CDH18: variants seen among roughly 807,000 people sequenced by gnomAD.
CDH18 encodes cadherin 18, also known as cadherin-18.
Under a neutral mutation model 67.9 loss-of-function variants are expected in CDH18, and 31 were observed. The observed-to-expected ratio is 0.46, with a 90% CI of 0.34 to 0.62. The LOEUF (loss-of-function observed/expected upper bound fraction) is 0.62. Ranked by LOEUF, CDH18 falls within the 20% of genes least tolerant of loss-of-function variation. The probability of loss-of-function intolerance (pLI) is 0.01; values close to 1 mark genes in which losing one functional copy is unlikely to be tolerated. For synonymous variants in CDH18, 362 were observed against 347.2 expected (o/e 1.04, Z -0.48); for missense variants, 890 against 975.5 (o/e 0.91, Z 1.17).
chr5:20,099,932 C>T (rs1746312486), intron 2 of CDH18, among the ~76,000 whole-genome samples: 1 of 152,042 alleles, frequency 6.6e-6, no homozygotes, highest in Admixed American at 6.6e-5. Context: ...TATAGCCGCA[C>T]ACCACCACGC....
intron 11 of CDH18, among the ~76,000 whole-genome samples, chr5:19,496,589 G>T (rs1275832286): frequency 6.6e-6 from 1 of 152,032 alleles, no homozygotes; most frequent in Non-Finnish European, 1.5e-5. Context: ...AAGGCGGGTG[G>T]ATCACTTGAG....
intron 1 of CDH18, among the ~76,000 whole-genome samples, chr5:20,366,651 A>C (rs1742545277): frequency 6.6e-6 from 1 of 152,210 alleles, no homozygotes; most frequent in Non-Finnish European, 1.5e-5. Flanking sequence ...TAACAGTGGA[A>C]GTAATAATAA....
chr5:19,826,607 C>G (rs769678877), intron 3 of CDH18, among the ~76,000 whole-genome samples: 1 of 152,076 alleles, frequency 6.6e-6, no homozygotes. Context: ...GAAGTTACAA[C>G]CAAGAATTTC....
intron 1 of CDH18, among the ~76,000 whole-genome samples, chr5:20,373,501 G>A (rs556862307): frequency 9.2e-5 from 14 of 152,098 alleles, no homozygotes; most frequent in African/African-American, 3.4e-4. Context: ...TATTTAACAA[G>A]CATTCTCTGT....
intron 1 of CDH18, among the ~76,000 whole-genome samples, chr5:20,295,538 C>A (rs1037759790): frequency 6.6e-6 from 1 of 151,976 alleles, no homozygotes; most frequent in Admixed American, 6.5e-5. Context: ...ACCGTCCTGG[C>A]CAATATGGTG....
chr5:19,985,340 T>C (rs922540615), intron 1 of CDH18, among the ~76,000 whole-genome samples: 4 of 152,104 alleles, frequency 2.6e-5, no homozygotes, highest in African/African-American at 9.7e-5. Context: ...TTTTTCTATA[T>C]ACATCCTTTG....
intron 2 of CDH18, among the ~76,000 whole-genome samples, chr5:19,889,886 G>A (rs932296350): frequency 3.6e-4 from 54 of 152,064 alleles, no homozygotes; most frequent in African/African-American, 1.2e-3. Flanking sequence ...AATTACATGC[G>A]ATATCATATA....
At chr5:20,324,487 G>C (rs1000852398) in intron 1 of CDH18, among the ~76,000 whole-genome samples, 1 of 152,114 alleles carries the variant, frequency 6.6e-6, no homozygotes, top group Non-Finnish European at 1.5e-5. Flanking sequence ...CTTGCAGTGA[G>C]CTGAGATCAG....
intron 5 of CDH18, among the ~76,000 whole-genome samples, chr5:19,709,347 C>A (rs1291773163): frequency 6.6e-6 from 1 of 152,108 alleles, no homozygotes; most frequent in East Asian, 1.9e-4. Context: ...GTGTGTGGAT[C>A]ACCTGAGGTC....
intron 1 of CDH18, among the ~76,000 whole-genome samples, chr5:20,375,999 G>C (rs1222883960): frequency 6.6e-6 from 1 of 151,406 alleles, no homozygotes; most frequent in Non-Finnish European, 1.5e-5. Flanking sequence ...TGGGCAACGT[G>C]GTATGTTGTA....
chr5:19,895,938 C>T (rs796503406), intron 2 of CDH18, among the ~76,000 whole-genome samples: 50 of 152,052 alleles, frequency 3.3e-4, no homozygotes, highest in African/African-American at 1.1e-3. Context: ...CTACACAAAT[C>T]TAAACGTGGA....
intron 2 of CDH18, among the ~76,000 whole-genome samples, chr5:19,941,943 T>G (rs1794867620): frequency 6.6e-6 from 1 of 152,154 alleles, no homozygotes; most frequent in South Asian, 2.1e-4. Flanking sequence ...TTCTCAATCA[T>G]GTTCATTTCA....
intron 5 of CDH18, among the ~76,000 whole-genome samples, chr5:19,698,379 A>C (rs2150460718): frequency 6.6e-6 from 1 of 152,234 alleles, no homozygotes; most frequent in Non-Finnish European, 1.5e-5. Context: ...TAGAATTATA[A>C]AATCTATAAA....
chr5:20,339,172 A>C (rs958188516), intron 1 of CDH18, among the ~76,000 whole-genome samples: 1 of 150,608 alleles, frequency 6.6e-6, no homozygotes, highest in African/African-American at 2.4e-5. Context: ...TTCAGCCTCC[A>C]CTCCCCTCAA....
At chr5:19,865,056 C>T (rs1353444496) in intron 2 of CDH18, among the ~76,000 whole-genome samples, 1 of 152,106 alleles carries the variant, frequency 6.6e-6, no homozygotes, top group African/African-American at 2.4e-5. Context: ...GCACAGACAC[C>T]TTTTTACTTG....
chr5:20,301,847 T>C (rs1735967611), intron 1 of CDH18, among the ~76,000 whole-genome samples: 1 of 144,466 alleles, frequency 6.9e-6, no homozygotes, highest in Admixed American at 7.6e-5. Flanking sequence ...GAATTGAAAT[T>C]GTAAAATAGA....
At chr5:19,752,583 T>C (rs1190566996) in intron 3 of CDH18, among the ~76,000 whole-genome samples, 1 of 152,088 alleles carries the variant, frequency 6.6e-6, no homozygotes, top group East Asian at 1.9e-4. Context: ...CCAATGGTAC[T>C]TCCCTACCCA....
chr5:19,746,818 T>A, intron 4 of CDH18, 124 bp downstream of exon 4: 1 of 768,728 alleles, frequency 1.3e-6, no homozygotes, highest in South Asian at 1.9e-5. Context: ...ACTAAAATAT[T>A]TTGAAACTTC....
At chr5:20,133,770 A>G (rs1006270014) in intron 2 of CDH18, among the ~76,000 whole-genome samples, 8 of 151,744 alleles carry the variant, frequency 5.3e-5, no homozygotes, top group African/African-American at 1.9e-4. Flanking sequence ...GATGTGATAA[A>G]ATGATTTGTG....
Sources: allele counts gnomAD v4.1 joint callset (sites outside exome capture counted in the v4.1 genomes callset), GRCh38; gene constraint gnomAD v4.1.1; transcripts MANE v1.5; gene names NCBI Gene and HGNC (gene_info 2026-07-23, HGNC 2026-07-21).